The following STAU1 variants were observed in gnomAD, a reference collection of about 807,000 sequenced individuals.
The protein encoded by STAU1 is staufen double-stranded RNA binding protein 1.
Under a neutral mutation model 62.9 loss-of-function variants are expected in STAU1, and 13 were observed. The observed-to-expected ratio is 0.21, with a 90% CI of 0.13 to 0.33. The LOEUF (loss-of-function observed/expected upper bound fraction) is 0.33. STAU1 is among the 10% of genes least tolerant of loss of function. The pLI, the probability that STAU1 is intolerant of heterozygous loss-of-function variation, is 1.00. For missense variants in STAU1, 571 were observed against 712.1 expected, an observed-to-expected ratio of 0.80 and a Z score of 2.25; for synonymous variants, 269 against 265.1, an observed-to-expected ratio of 1.01 and a Z score of -0.14.
At chr20:49,115,708 G>T in intron 13 of STAU1, 74 bp downstream of exon 13, 3 of 1,272,020 alleles carry the variant, frequency 2.4e-6, no homozygotes, top group Non-Finnish European at 2.3e-6. Context: ...TGAGTCAGCA[G>T]ATAGTGTAAA....
intron 1 of STAU1, among the ~76,000 whole-genome samples, chr20:49,187,774 C>CA (rs1491173997): frequency 2.6e-4 from 3 of 11,446 alleles, no homozygotes; most frequent in Non-Finnish European, 4.5e-4. Context: ...GAAGCAGGGA[C>CA]CCCCCCCCCC....
At chr20:49,199,742 T>G in the STAU1 span, among the ~76,000 whole-genome samples, 1 of 151,960 alleles carries the variant, frequency 6.6e-6, no homozygotes. Context: ...CCAGCTAAGT[T>G]TTGTATTTTT....
intron 6 of STAU1, chr20:49,134,624 T>A (rs1338108381): frequency 7.9e-7 from 1 of 1,270,834 alleles, no homozygotes; most frequent in Admixed American, 1.7e-5. Flanking sequence ...CAACTATTAC[T>A]TCAAGGCCAA....
intron 1 of STAU1, among the ~76,000 whole-genome samples, chr20:49,176,564 TTGTC>T (rs201516734): frequency 0.024 from 3,607 of 152,322 alleles, 65 homozygotes; most frequent in Middle Eastern, 0.037. Flanking sequence ...TTGCTGTTCA[TTGTC>T]TGATTGATTC....
chr20:49,171,551 T>G (rs2093597346), intron 2 of STAU1, among the ~76,000 whole-genome samples: 1 of 152,268 alleles, frequency 6.6e-6, no homozygotes, highest in Admixed American at 6.5e-5. Flanking sequence ...CCTCCCGAAG[T>G]GCTGGGATTA....
intron 3 of STAU1, among the ~76,000 whole-genome samples, chr20:49,160,554 G>A (rs2093432908): frequency 6.6e-6 from 1 of 152,174 alleles, no homozygotes; most frequent in South Asian, 2.1e-4. Context: ...GTTCCAGAAT[G>A]TGCTGTTAAT....
At chr20:49,212,020 A>C in the STAU1 span, among the ~76,000 whole-genome samples, 1 of 151,326 alleles carries the variant, frequency 6.6e-6, no homozygotes, top group Non-Finnish European at 1.5e-5. Flanking sequence ...ACAGGGTCTT[A>C]CTCTGTCATC....
intron 1 of STAU1, among the ~76,000 whole-genome samples, chr20:49,184,500 T>C (rs1025627862): frequency 6.6e-6 from 1 of 152,140 alleles, no homozygotes; most frequent in Non-Finnish European, 1.5e-5. Context: ...AGAAAACCCA[T>C]GCAGGGATAG....
At chr20:49,159,216 C>T (rs891210887) in intron 3 of STAU1, 30 of 966,688 alleles carry the variant, frequency 3.1e-5, no homozygotes, top group Non-Finnish European at 3.6e-5. Context: ...TTTCCCCATC[C>T]GGTGCTACCT....
At chr20:49,213,091 C>T in the STAU1 span, among the ~76,000 whole-genome samples, 7 of 152,010 alleles carry the variant, frequency 4.6e-5, no homozygotes, top group African/African-American at 1.7e-4. Flanking sequence ...CTGCAGCCTT[C>T]ACCTCCTGGG....
In STAU1 at chr20:49,166,078, G is replaced by A; in HGVS notation, c.124C>T (p.Leu42=). 6.2e-7 allele frequency: 1 copy of A among 1,614,242 alleles called. No homozygotes were observed. Among genetic ancestry groups the A allele is most frequent in the Non-Finnish European group, 8.5e-7 (1 of 1,180,048 alleles). ...LMSIPSTTSS[L]PSENAGRPIQ... ...GGTCTACCTGCATTTTCAGAGGGCA[G>A]AGAGCTAGTAGTAGAAGGAATACTC... The change falls in exon 3 of 14, where the codon CTG becomes TTG. Residue 42 remains leucine, a synonymous_variant. Transcript: ENST00000371856.
intron 1 of STAU1, among the ~76,000 whole-genome samples, chr20:49,185,368 T>C (rs2093774646): frequency 6.6e-6 from 1 of 152,216 alleles, no homozygotes; most frequent in South Asian, 2.1e-4. Context: ...GCTCAAGAAT[T>C]TTTGCTTTTG....
chr20:49,190,026 C>T (rs568265672), upstream of STAU1, among the ~76,000 whole-genome samples: 12 of 152,246 alleles, frequency 7.9e-5, no homozygotes, highest in South Asian at 2.1e-4. Flanking sequence ...CTTTAGTGCC[C>T]ATCCAAGACA....
chr20:49,158,647 TA>T (rs2093401702), intron 3 of STAU1: 1 of 573,074 alleles, frequency 1.7e-6, no homozygotes, highest in African/African-American at 2.0e-5. Context: ...CCATCTCTAC[TA>T]AAAATGCAAA....
intron 1 of STAU1, among the ~76,000 whole-genome samples, chr20:49,185,898 G>C (rs867061086): frequency 6.6e-6 from 1 of 151,800 alleles, no homozygotes; most frequent in East Asian, 2.0e-4. Context: ...TTTTTGGAGA[G>C]AGTCTCTCTC....
At chr20:49,195,925 G>GAAAAAAAGAAAAAAGA in the STAU1 span, among the ~76,000 whole-genome samples, 1 of 93,724 alleles carries the variant, frequency 1.1e-5, no homozygotes, top group Non-Finnish European at 2.0e-5. Flanking sequence ...AAAGAAAAAA[G>GAAAAAAAGAAAAAAGA]AAAAAAAAAA....
chr20:49,136,846 C>T (rs1265015214), intron 5 of STAU1, among the ~76,000 whole-genome samples: 3 of 152,078 alleles, frequency 2.0e-5, no homozygotes, highest in African/African-American at 4.8e-5. Flanking sequence ...TGCAGGCATG[C>T]GCCACCACAC....
chr20:49,193,566 G>A, the STAU1 span, among the ~76,000 whole-genome samples: 1 of 152,144 alleles, frequency 6.6e-6, no homozygotes, highest in Non-Finnish European at 1.5e-5. Context: ...AGCTACTCAG[G>A]AGGTTGAGGC....
intron 3 of STAU1, 67 bp downstream of exon 3, chr20:49,165,930 C>T: frequency 6.5e-7 from 1 of 1,528,526 alleles, no homozygotes; most frequent in Non-Finnish European, 9.0e-7. Context: ...AAATCTGCAA[C>T]CTATCAGATC....
Sources: gnomAD v4.1 joint callset for allele counts (sites outside exome capture counted in the v4.1 genomes callset) on GRCh38, gnomAD v4.1.1 for gene constraint, MANE v1.5 for transcripts, NCBI Gene and HGNC (gene_info 2026-07-23, HGNC 2026-07-21) for gene names.